UBAC2: variants seen among roughly 807,000 people sequenced by gnomAD.
UBAC2 encodes ubiquitin-associated domain-containing protein 2.
In UBAC2, 26 loss-of-function variants were observed where a neutral mutation model predicts 44.0. The observed-to-expected ratio is 0.59, with a 90% confidence interval of 0.43 to 0.82. UBAC2 has a LOEUF of 0.82. Ranked by LOEUF, UBAC2 falls within the 40% of genes least tolerant of loss-of-function variation. The pLI, the probability that UBAC2 is intolerant of heterozygous loss-of-function variation, is 0.00. For missense variants in UBAC2, 329 were observed against 419.4 expected (o/e 0.78, Z 1.88); for synonymous variants, 155 against 154.3 (o/e 1.00, Z -0.04).
chr13:99,367,204 G>T (rs1432115643), intron 7 of UBAC2, among the ~76,000 whole-genome samples: 2 of 152,116 alleles, frequency 1.3e-5, no homozygotes, highest in Non-Finnish European at 2.9e-5. Flanking sequence ...TCACCTTTTT[G>T]CTGTTTGTCA....
chr13:99,255,556 C>T (rs768700715), intron 4 of UBAC2: 1 of 1,614,146 alleles, frequency 6.2e-7, no homozygotes, highest in South Asian at 1.1e-5. Flanking sequence ...TAAAGCAATG[C>T]TTGGGTAAAA....
chr13:99,327,484 CTG>C (rs59174527), intron 6 of UBAC2, among the ~76,000 whole-genome samples: 1 of 150,772 alleles, frequency 6.6e-6, no homozygotes, highest in African/African-American at 2.4e-5. Flanking sequence ...CTCTCTCTCT[CTG>C]TGTGTGTGTG....
At chr13:99,324,548 C>T (rs949124278) in intron 6 of UBAC2, among the ~76,000 whole-genome samples, 2 of 152,162 alleles carry the variant, frequency 1.3e-5, no homozygotes, top group African/African-American at 4.8e-5. Flanking sequence ...TAATTTGTTA[C>T]CACAGTATAA....
chr13:99,333,849 TC>T (rs886235190), intron 6 of UBAC2, among the ~76,000 whole-genome samples: 3 of 151,900 alleles, frequency 2.0e-5, no homozygotes, highest in Non-Finnish European at 4.4e-5. Flanking sequence ...GTCTGTGGCC[TC>T]CCCCCCATAA....
Position 99,292,422 on chromosome 13 carries a change from A to G in UBAC2, c.390-21675A>G, listed in dbSNP as rs74642775. On this transcript the variant is annotated intron_variant, in intron 4 of 8. Coordinates refer to ENST00000403766, the MANE Select transcript of UBAC2 (RefSeq NM_001144072.2). ...CTCCCAAAGTGCAGGGATTACAGGCATGAGCCACTGCGCCCAGCTGGGGTT... is the reference window on the plus strand; with the variant it reads ...CTCCCAAAGTGCAGGGATTACAGGCGTGAGCCACTGCGCCCAGCTGGGGTT... Among the ~76,000 whole-genome samples the G allele has an allele frequency of 5.9e-4, 90 of 152,122 alleles. No homozygotes were observed. In the Middle Eastern group the frequency reaches 0.014, roughly 23 times the overall value.
At chr13:99,341,953 G>T (rs1376285048) in intron 7 of UBAC2, among the ~76,000 whole-genome samples, 3 of 152,170 alleles carry the variant, frequency 2.0e-5, no homozygotes, top group Non-Finnish European at 4.4e-5. Flanking sequence ...GAGCAGATTT[G>T]GGGGAAATAT....
chr13:99,371,404 A>G (rs1446073476), intron 8 of UBAC2, among the ~76,000 whole-genome samples: 1 of 152,182 alleles, frequency 6.6e-6, no homozygotes, highest in Non-Finnish European at 1.5e-5. Context: ...TGCCTTAAAG[A>G]TGCAAGGTTC....
rs560604568 is a variant in UBAC2, at chr13:99,328,171, CATTT to C, written c.561+10106_561+10109del. Among the ~76,000 whole-genome samples, 38 of 152,236 alleles carry C rather than the reference CATTT, an allele frequency of 2.5e-4. No homozygotes were observed. In the East Asian group the frequency reaches 7.1e-3, roughly 29 times the overall value. On this transcript the variant is annotated intron_variant, in intron 6 of 8. Coordinates refer to ENST00000403766, the MANE Select transcript of UBAC2 (RefSeq NM_001144072.2). The stretch of plus-strand genomic sequence containing the variant: ...TCACCAATTTTTAAAATTAATTTTT[CATTT>C]ATTATTGTATTAAGTAACAATTAAT...
chr13:99,244,729 G>T, intron 4 of UBAC2, 105 bp downstream of exon 4: 1 of 627,082 alleles, frequency 1.6e-6, no homozygotes, highest in Non-Finnish European at 2.6e-6. Context: ...TAAACTTCTA[G>T]ATATAGTTAA....
intron 1 of UBAC2, among the ~76,000 whole-genome samples, chr13:99,214,742 C>T (rs2042972062): frequency 1.3e-5 from 2 of 152,210 alleles, no homozygotes; most frequent in African/African-American, 4.8e-5. Flanking sequence ...CCCCACCCCA[C>T]CCTTTTTGGA....
chr13:99,329,586 C>T (rs1452824754), intron 6 of UBAC2, among the ~76,000 whole-genome samples: 1 of 152,220 alleles, frequency 6.6e-6, no homozygotes, highest in Non-Finnish European at 1.5e-5. Context: ...TTACTCTCTC[C>T]TGGATCTCTT....
chr13:99,333,771 A>G (rs2044748756), intron 6 of UBAC2, among the ~76,000 whole-genome samples: 1 of 152,114 alleles, frequency 6.6e-6, no homozygotes, highest in Non-Finnish European at 1.5e-5. Flanking sequence ...TCTGATTGTC[A>G]TTGTGGGGGC....
chr13:99,242,240 A>G (rs1486838837), intron 2 of UBAC2, among the ~76,000 whole-genome samples: 70 of 152,156 alleles, frequency 4.6e-4, no homozygotes, highest in African/African-American at 1.6e-3. Flanking sequence ...CCCGTTCTCA[A>G]TGAGCTGCTG....
intron 7 of UBAC2, 114 bp downstream of exon 7, chr13:99,340,679 T>C (rs778102472): frequency 9.8e-5 from 120 of 1,220,704 alleles, no homozygotes; most frequent in Non-Finnish European, 1.3e-4. Flanking sequence ...GCCTTGCAAG[T>C]GGATTTTGAC....
chr13:99,296,148 G>A, intron 4 of UBAC2: 1 of 1,585,970 alleles, frequency 6.3e-7, no homozygotes, highest in East Asian at 2.3e-5. Flanking sequence ...ATATCCATTG[G>A]TGGTGGTCCA....
Position 99,232,420 on chromosome 13 carries a change from A to ATATATATATT in UBAC2, c.32-6006_32-6005insATATATATTT, listed in dbSNP as rs1438082766. Among the ~76,000 whole-genome samples, 384 of 142,668 alleles carry ATATATATATT rather than the reference A, an allele frequency of 2.7e-3. 5 individuals are homozygous for ATATATATATT. The highest frequency in any genetic ancestry group is 9.4e-3 in the African/African-American group (367 of 39,078). The allele number at this position is 142,668 out of a possible 152,430, so 93.6% of individuals were successfully genotyped here. On this transcript the variant is annotated intron_variant, in intron 1 of 8. Transcript: ENST00000403766. ...GAGAGATATAGATATATATATATATATTCACACACACATACTCTAAGGACC... is the reference window on the plus strand; with the variant it reads ...GAGAGATATAGATATATATATATATATATATATATTTTCACACACACATACTCTAAGGACC...
chr13:99,376,424 G>A (rs926524449), intron 8 of UBAC2, among the ~76,000 whole-genome samples: 9 of 152,082 alleles, frequency 5.9e-5, no homozygotes, highest in Non-Finnish European at 2.9e-5. Context: ...CTTCATCCCT[G>A]TGGGGGCTCT....
At chr13:99,201,092 TG>T in intron 1 of UBAC2, 153 bp downstream of exon 1, 1 of 1,350,276 alleles carries the variant, frequency 7.4e-7, no homozygotes, top group Non-Finnish European at 9.6e-7. Flanking sequence ...TTCCCGGTCT[TG>T]GGGGTCAGCG....
At chr13:99,338,897 C>T (rs1221769753) in intron 6 of UBAC2, among the ~76,000 whole-genome samples, 2 of 152,204 alleles carry the variant, frequency 1.3e-5, no homozygotes, top group African/African-American at 4.8e-5. Context: ...CTTCTCTTCA[C>T]TGGCAGCCCT....
Sources: gnomAD v4.1 joint callset for allele counts (sites outside exome capture counted in the v4.1 genomes callset) on GRCh38, gnomAD v4.1.1 for gene constraint, MANE v1.5 for transcripts, NCBI Gene and HGNC (gene_info 2026-07-23, HGNC 2026-07-21) for gene names.